Variants in MRTFB observed in about 807,000 individuals in gnomAD.
The protein encoded by MRTFB is myocardin-related transcription factor B.
MRTFB carries 29 observed loss-of-function variants against 104.2 expected under a neutral mutation model. The ratio of observed to expected loss-of-function variants is 0.28; its 90% CI spans 0.21 to 0.38. The LOEUF is 0.38. Ranked by LOEUF, MRTFB falls within the 10% of genes least tolerant of loss-of-function variation. MRTFB has a pLI of 1.00. For missense variants in MRTFB, 1,270 were observed against 1,341.6 expected, an observed-to-expected ratio of 0.95 and a Z score of 0.83; for synonymous variants, 535 against 519.5, an observed-to-expected ratio of 1.03 and a Z score of -0.41.
chr16:14,249,022 C>T lies in MRTFB; in HGVS notation c.2344C>T (p.Pro782Ser). 6.2e-7 allele frequency: 1 copy of T among 1,614,164 alleles called. No homozygotes were observed. Among genetic ancestry groups the T allele is most frequent in the Non-Finnish European group, 8.5e-7 (1 of 1,180,014 alleles). The change falls in exon 13 of 17, where the codon CCT becomes TCT. Residue 782 changes from proline (P) to serine (S), a missense_variant. This residue lies in a region of MRTFB where 1,144 missense variants were observed against 1,131.5 expected (regional missense o/e 1.01). Transcript: ENST00000571589. ...GGCCTCAGGCTTGGCCCCAACTGTA[C>T]CTCAGACACAAGACACGTTCCCGCA... ...ALASGLAPTV[P>S]QTQDTFPQHV... is the part of the protein sequence containing the mutation.
At position 14,263,383 on chromosome 16, in the gene MRTFB, A is replaced by T. The variant is rs1300210218; in HGVS notation, c.*1939A>T. The T allele has an allele frequency of 6.6e-6, 1 of 152,042 alleles. No homozygotes were observed. The highest frequency in any genetic ancestry group is 1.9e-4 in the East Asian group (1 of 5,180). The allele number at this position is 152,042 out of a possible 1,614,324, so 9.4% of individuals were successfully genotyped here. ...GGCCAGGCTATTTACTTGGGAAAGT[A>T]TTTTTCTTACAGTTCTTGGCCACAG... On this transcript the variant is annotated 3_prime_UTR_variant, in exon 17 of 17. Transcript: ENST00000571589.
intron 15 of MRTFB, among the ~76,000 whole-genome samples, chr16:14,255,208 A>G (rs2043426469): frequency 6.6e-6 from 1 of 152,244 alleles, no homozygotes. Flanking sequence ...GTCCCAGAAG[A>G]AGAGAGAAAG....
At chr16:13,995,453 G>A in the MRTFB span, among the ~76,000 whole-genome samples, 19 of 152,288 alleles carry the variant, frequency 1.2e-4, 1 homozygote, top group East Asian at 3.3e-3. Flanking sequence ...CTCCTCCCTT[G>A]CTGGTCTGAT....
At chr16:14,207,522 T>A (rs2041003661) in intron 3 of MRTFB, among the ~76,000 whole-genome samples, 1 of 152,224 alleles carries the variant, frequency 6.6e-6, no homozygotes, top group Non-Finnish European at 1.5e-5. Context: ...AAAGAGCTTC[T>A]TTCTAAGATC....
intron 15 of MRTFB, among the ~76,000 whole-genome samples, chr16:14,257,594 AGGGGATGAGGAAACTTTAAG>A (rs1347889151): frequency 6.6e-6 from 1 of 151,998 alleles, no homozygotes; most frequent in Non-Finnish European, 1.5e-5. Flanking sequence ...TGAGGGGATG[AGGGGATGAGGAAACTTTAAG>A]GGCGATGGAT....
intron 2 of MRTFB, among the ~76,000 whole-genome samples, chr16:14,123,495 A>G (rs1156553416): frequency 6.6e-6 from 1 of 152,190 alleles, no homozygotes; most frequent in Non-Finnish European, 1.5e-5. Context: ...AGTTTTCTGC[A>G]TGTGGCTAGC....
At chr16:14,147,227 T>C (rs569291422) in intron 3 of MRTFB, among the ~76,000 whole-genome samples, 1 of 152,328 alleles carries the variant, frequency 6.6e-6, no homozygotes, top group East Asian at 1.9e-4. Flanking sequence ...TAAATTAATA[T>C]TTTTAAAAAT....
chr16:14,186,758 C>CT, intron 3 of MRTFB: 2 of 1,487,622 alleles, frequency 1.3e-6, no homozygotes, highest in Non-Finnish European at 1.8e-6. Context: ...TAATGGCTGC[C>CT]TTCAGCTGCT....
Position 14,234,300 on chromosome 16 carries a change from C to T in MRTFB, c.831+17C>T, listed in dbSNP as rs2042400630. On this transcript the variant is annotated intron_variant, in intron 9 of 16. Transcript: ENST00000571589. The stretch of plus-strand genomic sequence containing the variant: ...CTGGTGAAGGTGGGTACTTTGGATA[C>T]ACCCTGGGTTTGGTGGCTTTATTTG... 6.2e-7 allele frequency: 1 copy of T among 1,612,166 alleles called. No homozygotes were observed. The highest frequency in any genetic ancestry group is 8.5e-7 in the Non-Finnish European group (1 of 1,178,958).
intron 2 of MRTFB, among the ~76,000 whole-genome samples, chr16:14,134,568 T>A (rs2037608389): frequency 6.6e-6 from 1 of 152,206 alleles, no homozygotes; most frequent in Non-Finnish European, 1.5e-5. Context: ...CTTGCCTCCT[T>A]TGAGAGCAGG....
chr16:14,088,787 A>G (rs967402281), intron 2 of MRTFB, among the ~76,000 whole-genome samples: 3 of 152,220 alleles, frequency 2.0e-5, no homozygotes, highest in Non-Finnish European at 4.4e-5. Flanking sequence ...GCTCTGTGCT[A>G]ATAAAGAAGC....
chr16:14,145,605 C>G (rs200783477), intron 3 of MRTFB, among the ~76,000 whole-genome samples: 1 of 152,118 alleles, frequency 6.6e-6, no homozygotes, highest in Non-Finnish European at 1.5e-5. Flanking sequence ...AATAGTACCT[C>G]AAAGTAAAGC....
chr16:14,244,064 G>A (rs2042908342), intron 10 of MRTFB, among the ~76,000 whole-genome samples: 1 of 152,000 alleles, frequency 6.6e-6, no homozygotes, highest in Non-Finnish European at 1.5e-5. Context: ...TTTTTAAGTA[G>A]AGACGGGGTT....
chr16:14,012,182 T>C, the MRTFB span, among the ~76,000 whole-genome samples: 1 of 149,802 alleles, frequency 6.7e-6, no homozygotes, highest in Non-Finnish European at 1.5e-5. Flanking sequence ...TCAACGCAGG[T>C]GCAAACTACA....
intron 1 of MRTFB, among the ~76,000 whole-genome samples, chr16:14,073,212 C>T (rs1458527972): frequency 6.6e-6 from 1 of 152,112 alleles, no homozygotes; most frequent in African/African-American, 2.4e-5. Flanking sequence ...CTTAATCTGC[C>T]CGTTCATTTG....
intron 1 of MRTFB, among the ~76,000 whole-genome samples, chr16:14,078,017 G>A (rs959339127): frequency 2.6e-5 from 4 of 152,024 alleles, no homozygotes; most frequent in Non-Finnish European, 5.9e-5. Context: ...GTCTCTCTTG[G>A]ATGTACCCTA....
chr16:14,165,387 T>G (rs571943983), intron 3 of MRTFB, among the ~76,000 whole-genome samples: 1 of 152,174 alleles, frequency 6.6e-6, no homozygotes, highest in Non-Finnish European at 1.5e-5. Flanking sequence ...TTCTGATGTA[T>G]GTATTTAGGC....
the MRTFB span, among the ~76,000 whole-genome samples, chr16:14,002,458 G>C: frequency 8.0e-4 from 121 of 150,864 alleles, 1 homozygote; most frequent in Middle Eastern, 3.5e-3. Flanking sequence ...CTTGAGACTC[G>C]ATGAAATTAA....
chr16:14,264,063 A>G lies in MRTFB; in HGVS notation c.*2619A>G, dbSNP rs1381308716. The G allele has an allele frequency of 6.6e-6, 1 of 152,216 alleles. No homozygotes were observed. Among genetic ancestry groups the G allele is most frequent in the African/African-American group, 2.4e-5 (1 of 41,446 alleles). The allele number at this position is 152,216 out of a possible 1,614,324, so 9.4% of individuals were successfully genotyped here. A position where few individuals can be genotyped will look rare whatever the true frequency, so the allele number is the denominator to read the frequency against. On this transcript the variant is annotated 3_prime_UTR_variant, in exon 17 of 17. Transcript: ENST00000571589. ...TGGTGAGTGCAATGAGGAAGGGTGGATATTGACTAAAGACTGGTTGTTGTT... is the reference window on the plus strand; with the variant it reads ...TGGTGAGTGCAATGAGGAAGGGTGGGTATTGACTAAAGACTGGTTGTTGTT...
Sources: gnomAD v4.1 joint callset for allele counts (sites outside exome capture counted in the v4.1 genomes callset) on GRCh38, gnomAD v4.1.1 for gene constraint, gnomAD v4.1.1 regional missense constraint, MANE v1.5 for transcripts, NCBI Gene and HGNC (gene_info 2026-07-23, HGNC 2026-07-21) for gene names.